Variants in ACACA observed in about 807,000 individuals in gnomAD.
ACACA encodes acetyl-CoA carboxylase alpha.
In ACACA, 103 loss-of-function variants were observed where a neutral mutation model predicts 296.1. The observed-to-expected ratio is 0.35, with a 90% CI of 0.30 to 0.41. The LOEUF (loss-of-function observed/expected upper bound fraction) is 0.41. Ranked by LOEUF, ACACA falls within the 10% of genes least tolerant of loss-of-function variation. ACACA has a pLI of 1.00. For missense variants in ACACA, 1,554 were observed against 2,989.7 expected (o/e 0.52, Z 11.20); for synonymous variants, 953 against 1,038.6 (o/e 0.92, Z 1.58).
At chr17:37,218,427 C>A (rs189229744) in intron 29 of ACACA, among the ~76,000 whole-genome samples, 3 of 152,202 alleles carry the variant, frequency 2.0e-5, no homozygotes, top group Non-Finnish European at 4.4e-5. Flanking sequence ...TTAATTTTAT[C>A]TGTTTCTTTT....
intron 52 of ACACA, among the ~76,000 whole-genome samples, chr17:37,108,577 G>A (rs973760386): frequency 3.3e-5 from 5 of 152,002 alleles, no homozygotes; most frequent in Non-Finnish European, 5.9e-5. Flanking sequence ...TAGTAGAGAC[G>A]GGGTTTCTCC....
intron 1 of ACACA, among the ~76,000 whole-genome samples, chr17:37,393,977 T>C: frequency 6.6e-6 from 1 of 152,130 alleles, no homozygotes; most frequent in East Asian, 1.9e-4. Flanking sequence ...CATTAATAAC[T>C]TCAAGTCCTA....
intron 3 of ACACA, among the ~76,000 whole-genome samples, chr17:37,292,562 G>C (rs1278829767): frequency 6.6e-6 from 1 of 152,128 alleles, no homozygotes; most frequent in Non-Finnish European, 1.5e-5. Flanking sequence ...AAAGGATAAA[G>C]AGTTTAAGAA....
At chr17:37,098,203 C>T (rs957822218) in intron 52 of ACACA, among the ~76,000 whole-genome samples, 1 of 152,216 alleles carries the variant, frequency 6.6e-6, no homozygotes, top group African/African-American at 2.4e-5. Flanking sequence ...GCCCTCTTTT[C>T]CCTGTGGCAG....
At chr17:37,205,012 T>C (rs952350869) in intron 33 of ACACA, among the ~76,000 whole-genome samples, 1 of 152,100 alleles carries the variant, frequency 6.6e-6, no homozygotes, top group Non-Finnish European at 1.5e-5. Flanking sequence ...AGGTATAAGA[T>C]AGTAAGGGTT....
intron 16 of ACACA, among the ~76,000 whole-genome samples, chr17:37,251,634 G>A (rs75211199): frequency 0.085 from 12,975 of 152,184 alleles, 800 homozygotes; most frequent in Non-Finnish European, 0.13. Context: ...CTTCTGAAAG[G>A]TGGTACAAGT....
At chr17:37,332,064 AT>A (rs1422263268) in intron 2 of ACACA, among the ~76,000 whole-genome samples, 1 of 152,128 alleles carries the variant, frequency 6.6e-6, no homozygotes, top group East Asian at 1.9e-4. Flanking sequence ...TCAAGTAAGT[AT>A]AATTTTTCTA....
chr17:37,368,093 G>T (rs960778276), intron 1 of ACACA, among the ~76,000 whole-genome samples: 4 of 150,978 alleles, frequency 2.6e-5, no homozygotes, highest in Admixed American at 2.0e-4. Context: ...ACAAAAAATT[G>T]TGTCATTACT....
intron 3 of ACACA, chr17:37,299,551 T>A: frequency 1.4e-6 from 2 of 1,411,128 alleles, no homozygotes; most frequent in Non-Finnish European, 1.8e-6. Flanking sequence ...ACCTTTCTCT[T>A]CCTTTTTGCA....
chr17:37,370,214 C>T (rs564682732), intron 1 of ACACA, among the ~76,000 whole-genome samples: 3 of 151,942 alleles, frequency 2.0e-5, no homozygotes, highest in African/African-American at 7.2e-5. Flanking sequence ...CCATGTTGGC[C>T]AGGCTGATCT....
At chr17:37,358,133 T>G (rs1447242485) in intron 1 of ACACA, among the ~76,000 whole-genome samples, 17 of 152,184 alleles carry the variant, frequency 1.1e-4, no homozygotes, top group Admixed American at 1.1e-3. Flanking sequence ...ATTAAACTAT[T>G]TCTCCTGAGC....
At chr17:37,306,010 A>G (rs952662125) in intron 3 of ACACA, among the ~76,000 whole-genome samples, 2 of 142,076 alleles carry the variant, frequency 1.4e-5, no homozygotes, top group Non-Finnish European at 3.0e-5. Context: ...CTGGGTTCAC[A>G]CCATTCTCCT....
At chr17:37,125,854 T>C in intron 47 of ACACA, 60 bp from the exon 48 acceptor site, 1 of 1,442,916 alleles carries the variant, frequency 6.9e-7, no homozygotes. Flanking sequence ...GACAATGTGC[T>C]GGAACTGACG....
intron 43 of ACACA, among the ~76,000 whole-genome samples, chr17:37,152,994 TC>T (rs35596715): frequency 6.6e-6 from 1 of 152,162 alleles, no homozygotes; most frequent in Non-Finnish European, 1.5e-5. Context: ...TCCAATAATT[TC>T]CCAGTTCTTC....
Position 37,283,321 on chromosome 17 carries a change from G to A in ACACA, c.556C>T (p.Arg186Cys), listed in dbSNP as rs762978162. Residue 186 changes from arginine (R) to cysteine (C), a missense_variant, in exon 5 of 56, where the codon CGT becomes TGT. Coordinates refer to ENST00000616317, the MANE Select transcript of ACACA (RefSeq NM_198834.3). Reference protein sequence around the residue: ...RWSYEMFRNERAIRFVVMVTP... With the variant: ...RWSYEMFRNECAIRFVVMVTP... ...ACCATGACAACGAATCTAATTGCAC[G>A]TTCATTTCGAAACATTTCATAAGAC... 7 of 1,614,034 alleles carry A rather than the reference G, an allele frequency of 4.3e-6. No homozygotes were observed. The highest frequency in any genetic ancestry group is 5.9e-6 in the Non-Finnish European group (7 of 1,180,004).
chr17:37,276,264 G>A (rs1009074733), intron 7 of ACACA, among the ~76,000 whole-genome samples: 6 of 152,110 alleles, frequency 3.9e-5, no homozygotes, highest in Non-Finnish European at 8.8e-5. Flanking sequence ...TGTGCAGAGT[G>A]AGAGCTCAAT....
At chr17:37,154,508 T>C (rs1319748627) in intron 43 of ACACA, among the ~76,000 whole-genome samples, 1 of 152,124 alleles carries the variant, frequency 6.6e-6, no homozygotes, top group Non-Finnish European at 1.5e-5. Flanking sequence ...TTTTTTTTCT[T>C]TTTTTTGAGA....
At chr17:37,216,084 A>G (rs1381646750) in intron 29 of ACACA, among the ~76,000 whole-genome samples, 1 of 150,408 alleles carries the variant, frequency 6.6e-6, no homozygotes, top group Non-Finnish European at 1.5e-5. Context: ...TCCCCTCAAA[A>G]AGAATCACAC....
intron 19 of ACACA, among the ~76,000 whole-genome samples, chr17:37,246,025 T>C (rs1184965233): frequency 1.3e-5 from 2 of 152,208 alleles, no homozygotes; most frequent in African/African-American, 4.8e-5. Context: ...TTGTACATGC[T>C]ATTCCTTCAA....
Sources: allele counts gnomAD v4.1 joint callset (sites outside exome capture counted in the v4.1 genomes callset), GRCh38; gene constraint gnomAD v4.1.1; transcripts MANE v1.5; gene names NCBI Gene and HGNC (gene_info 2026-07-23, HGNC 2026-07-21).